The following SRGAP3 variants were observed in gnomAD, a reference collection of about 807,000 sequenced individuals.
SRGAP3 encodes SLIT-ROBO Rho GTPase activating protein 3, also known as SLIT-ROBO Rho GTPase-activating protein 3.
SRGAP3 carries 39 observed loss-of-function variants against 121.1 expected under a neutral mutation model. The observed-to-expected ratio is 0.32, with a 90% CI of 0.25 to 0.42. The LOEUF (loss-of-function observed/expected upper bound fraction) is 0.42. Ranked by LOEUF, SRGAP3 falls within the 10% of genes least tolerant of loss-of-function variation. The pLI is 1.00. For synonymous variants in SRGAP3, 601 were observed against 570.0 expected (o/e 1.05, Z -0.77); for missense variants, 1,213 against 1,470.6 (o/e 0.82, Z 2.86).
chr3:9,236,838 T>C (rs62244905), intron 1 of SRGAP3, among the ~76,000 whole-genome samples: 18,511 of 152,240 alleles, frequency 0.12, 1,404 homozygotes, highest in Middle Eastern at 0.18. Flanking sequence ...GAGATGGGGA[T>C]GCAAAAATTG....
chr3:9,013,992 G>A, intron 15 of SRGAP3, 150 bp from the exon 16 acceptor site: 1 of 733,748 alleles, frequency 1.4e-6, no homozygotes, highest in South Asian at 1.5e-5. Flanking sequence ...TCCTGGCCTG[G>A]CCAATCAGAG....
rs1944551574 is a variant in SRGAP3, at chr3:9,032,745, A to T, written c.1444T>A (p.Cys482Ser). ...ATTTTCTGTGGTTTAGGGGGAAGACAGGGGGGCCTAGGGGAAAACGGAACA... is the reference window on the plus strand; with the variant it reads ...ATTTTCTGTGGTTTAGGGGGAAGACTGGGGGGCCTAGGGGAAAACGGAACA... ...RAECGTTRPP[C>S]LPPKPQKMRR... The change falls in exon 12 of 22, where the codon TGT becomes AGT. Residue 482 changes from cysteine to serine, a missense_variant. Cys to Ser is a moderately radical substitution (Grantham distance 112). Coordinates refer to ENST00000383836, the MANE Select transcript of SRGAP3 (RefSeq NM_014850.4). 1.2e-6 allele frequency: 2 copies of T among 1,612,572 alleles called. No individual in the cohort carries two copies. The highest frequency in any genetic ancestry group is 1.7e-6 in the Non-Finnish European group (2 of 1,179,208).
intron 3 of SRGAP3, among the ~76,000 whole-genome samples, chr3:9,317,662 A>G (rs1308203848): frequency 6.6e-6 from 1 of 152,260 alleles, no homozygotes; most frequent in Non-Finnish European, 1.5e-5. Context: ...GAAGTGATGT[A>G]GAAGGGAGGT....
intron 1 of SRGAP3, among the ~76,000 whole-genome samples, chr3:9,211,010 A>G (rs1380913070): frequency 1.3e-5 from 2 of 152,184 alleles, no homozygotes; most frequent in Admixed American, 1.3e-4. Context: ...AAGTAATGAC[A>G]ATGTTCTCTC....
At chr3:9,055,371 C>T (rs1451954504) in intron 8 of SRGAP3, among the ~76,000 whole-genome samples, 1 of 152,252 alleles carries the variant, frequency 6.6e-6, no homozygotes, top group East Asian at 1.9e-4. Context: ...TCGAGTGTCA[C>T]TCCCTCCATC....
At chr3:9,062,651 T>C (rs904744079) in intron 5 of SRGAP3, among the ~76,000 whole-genome samples, 1 of 152,222 alleles carries the variant, frequency 6.6e-6, no homozygotes, top group Non-Finnish European at 1.5e-5. Flanking sequence ...CTGACTTCTT[T>C]CATTTAGCAT....
At chr3:9,138,467 C>A (rs1294386561) in intron 1 of SRGAP3, among the ~76,000 whole-genome samples, 2 of 152,160 alleles carry the variant, frequency 1.3e-5, no homozygotes, top group Admixed American at 6.5e-5. Flanking sequence ...CTAAGAGCAA[C>A]TTTCTCATTG....
At chr3:9,348,738 A>T in intron 1 of SRGAP3, 1 of 1,309,724 alleles carries the variant, frequency 7.6e-7, no homozygotes, top group Non-Finnish European at 1.1e-6. Context: ...GGTCTCAATA[A>T]AGCAGAAACT....
At chr3:9,143,358 C>T (rs1274853327) in intron 1 of SRGAP3, among the ~76,000 whole-genome samples, 1 of 152,198 alleles carries the variant, frequency 6.6e-6, no homozygotes, top group African/African-American at 2.4e-5. Flanking sequence ...GCAGTCTGCT[C>T]TGGCAAGAAC....
chr3:9,183,767 A>AACACACACACACAC (rs62971361), intron 1 of SRGAP3, among the ~76,000 whole-genome samples: 1 of 148,150 alleles, frequency 6.7e-6, no homozygotes. Flanking sequence ...CAAATTTGCT[A>AACACACACACACAC]ACACACACAC....
chr3:9,174,575 G>T lies in SRGAP3; in HGVS notation c.68-49658C>A, dbSNP rs78219184. Reference sequence around the variant, plus strand: ...CTTCATGGCAGGTGCTGCACTGAAGGCGTCATATTGATCATCTCACTGAAT... The same window carrying T: ...CTTCATGGCAGGTGCTGCACTGAAGTCGTCATATTGATCATCTCACTGAAT... On this transcript the variant is annotated intron_variant, in intron 1 of 21. Coordinates refer to ENST00000383836, the MANE Select transcript of SRGAP3 (RefSeq NM_014850.4). Among the ~76,000 whole-genome samples the T allele has an allele frequency of 1.0e-3, 159 of 152,276 alleles. 2 individuals are homozygous for T. In the East Asian group the frequency reaches 0.027, roughly 25 times the overall value.
At chr3:9,022,153 C>T (rs1205558415) in intron 14 of SRGAP3, among the ~76,000 whole-genome samples, 1 of 152,082 alleles carries the variant, frequency 6.6e-6, no homozygotes, top group East Asian at 1.9e-4. Flanking sequence ...ATGGTGAAAC[C>T]CTGTCTCTAC....
At chr3:9,173,215 C>G (rs555670448) in intron 1 of SRGAP3, among the ~76,000 whole-genome samples, 1 of 152,356 alleles carries the variant, frequency 6.6e-6, no homozygotes, top group African/African-American at 2.4e-5. Context: ...AATGGAGCAG[C>G]ACTGCACACA....
At chr3:9,230,944 C>T (rs1390153665) in intron 1 of SRGAP3, among the ~76,000 whole-genome samples, 1 of 152,070 alleles carries the variant, frequency 6.6e-6, no homozygotes, top group Non-Finnish European at 1.5e-5. Flanking sequence ...AGATCGGTCC[C>T]CTGTCTTCTA....
Position 9,172,928 on chromosome 3 carries a change from G to A in SRGAP3, c.68-48011C>T, listed in dbSNP as rs112634360. On this transcript the variant is annotated intron_variant, in intron 1 of 21. Coordinates refer to ENST00000383836, the MANE Select transcript of SRGAP3 (RefSeq NM_014850.4). ...ATGAGACTCTAGGTGGCACAGGGAC[G>A]CCGCAGGCAGGAAGGCCAGAGGGAG... Among the ~76,000 whole-genome samples, 1,057 of 152,324 alleles carry A rather than the reference G, an allele frequency of 6.9e-3. 8 individuals carry two copies. Among genetic ancestry groups the A allele is most frequent in the African/African-American group, 0.023 (976 of 41,574 alleles).
At chr3:9,089,532 G>C (rs1042066908) in intron 3 of SRGAP3, among the ~76,000 whole-genome samples, 6 of 152,112 alleles carry the variant, frequency 3.9e-5, no homozygotes, top group African/African-American at 1.4e-4. Flanking sequence ...AAAGTACAAA[G>C]GAGGCCCTGC....
intron 10 of SRGAP3, among the ~76,000 whole-genome samples, chr3:9,041,379 C>T (rs1462957496): frequency 6.6e-6 from 1 of 152,256 alleles, no homozygotes; most frequent in African/African-American, 2.4e-5. Flanking sequence ...AATATCCCCT[C>T]TTCAGGGATG....
In SRGAP3 at chr3:8,990,475, T is replaced by A. The variant is rs2648330; in HGVS notation, c.2886+37A>T. The A allele has an allele frequency of 1.4e-5, 22 of 1,549,060 alleles. No homozygotes were observed. The East Asian group carries it at 2.2e-4, about 15-fold the overall frequency. On this transcript the variant is annotated intron_variant, in intron 21 of 21. Transcript: ENST00000383836. ...ATTCCCACCCGCTGCCCTCTGGGGCTTTTGGCTGCCCAGCCTGCCTTCCCG... is the reference window on the plus strand; with the variant it reads ...ATTCCCACCCGCTGCCCTCTGGGGCATTTGGCTGCCCAGCCTGCCTTCCCG...
At chr3:9,012,430 T>C (rs894321081) in intron 17 of SRGAP3, among the ~76,000 whole-genome samples, 3 of 151,894 alleles carry the variant, frequency 2.0e-5, no homozygotes, top group African/African-American at 2.4e-5. Flanking sequence ...CATTTAAAGA[T>C]TTTTTTCCTG....
Sources: allele counts gnomAD v4.1 joint callset (sites outside exome capture counted in the v4.1 genomes callset), GRCh38; gene constraint gnomAD v4.1.1; transcripts MANE v1.5; gene names NCBI Gene and HGNC (gene_info 2026-07-23, HGNC 2026-07-21).